NRXN3: variants seen among roughly 807,000 people sequenced by gnomAD.
NRXN3 encodes the protein neurexin 3.
A neutral mutation model predicts 137.6 loss-of-function variants in NRXN3; 32 were observed. The ratio of observed to expected loss-of-function variants is 0.23; its 90% CI spans 0.18 to 0.31. NRXN3 has a LOEUF of 0.31. NRXN3 is among the 10% of genes least tolerant of loss of function. The pLI is 1.00. For synonymous variants in NRXN3, 798 were observed against 784.5 expected (o/e 1.02, Z -0.29); for missense variants, 1,574 against 2,062.5 (o/e 0.76, Z 4.59).
intron 15 of NRXN3, among the ~76,000 whole-genome samples, chr14:79,053,657 G>A (rs1234815044): frequency 3.3e-5 from 5 of 151,888 alleles, no homozygotes; most frequent in Non-Finnish European, 7.4e-5. Context: ...GTATTGTGTT[G>A]GGATAGAGCA....
intron 15 of NRXN3, among the ~76,000 whole-genome samples, chr14:79,442,197 G>A (rs2153571847): frequency 6.6e-6 from 1 of 152,282 alleles, no homozygotes; most frequent in African/African-American, 2.4e-5. Context: ...GAGTACTTAT[G>A]ATGATATAAG....
In NRXN3 at chr14:78,519,406, T is replaced by G. The variant is rs1467240963; in HGVS notation, c.758-125714T>G. On this transcript the variant is annotated intron_variant, in intron 4 of 20. Coordinates refer to ENST00000335750, the MANE Select transcript of NRXN3 (RefSeq NM_001330195.2). Reference sequence around the variant, plus strand: ...GAGAAAAATGCTCATTTTATTCCATTCCATGGATACTTACATTCTCTGCGT... The same window carrying G: ...GAGAAAAATGCTCATTTTATTCCATGCCATGGATACTTACATTCTCTGCGT... Among the ~76,000 whole-genome samples the G allele has an allele frequency of 2.0e-5, 3 of 152,172 alleles. No individual in the cohort carries two copies. The East Asian group carries it at 5.8e-4, about 29-fold the overall frequency.
intron 10 of NRXN3, among the ~76,000 whole-genome samples, chr14:78,915,471 AT>A (rs2099252952): frequency 1.3e-5 from 2 of 151,792 alleles, no homozygotes; most frequent in African/African-American, 4.8e-5. Context: ...AGTACCATTT[AT>A]TCAGTGTTCA....
intron 19 of NRXN3, among the ~76,000 whole-genome samples, chr14:79,795,648 A>T (rs2099158846): frequency 6.6e-6 from 1 of 152,228 alleles, no homozygotes; most frequent in African/African-American, 2.4e-5. Flanking sequence ...AACTTGCTTT[A>T]ACTTCTGCTA....
intron 15 of NRXN3, chr14:79,281,853 G>T (rs1439571792): frequency 6.6e-6 from 1 of 152,270 alleles, no homozygotes; most frequent in Non-Finnish European, 1.5e-5. Context: ...TTGGAAAGTT[G>T]ATTCTTCCTG....
intron 19 of NRXN3, among the ~76,000 whole-genome samples, chr14:79,796,426 T>C (rs1301906993): frequency 6.6e-6 from 1 of 152,130 alleles, no homozygotes; most frequent in Non-Finnish European, 1.5e-5. Context: ...AACAACAGAT[T>C]AATCCCTTTT....
intron 4 of NRXN3, among the ~76,000 whole-genome samples, chr14:78,400,843 T>G (rs900476319): frequency 4.6e-5 from 7 of 152,200 alleles, no homozygotes; most frequent in Admixed American, 6.5e-5. Context: ...CCCATTCTCC[T>G]CTGCACCCTC....
At chr14:78,903,510 T>C (rs1417349749) in intron 10 of NRXN3, among the ~76,000 whole-genome samples, 1 of 152,008 alleles carries the variant, frequency 6.6e-6, no homozygotes, top group African/African-American at 2.4e-5. Flanking sequence ...ATGTGTTAAA[T>C]TGCATACTTC....
intron 6 of NRXN3, 120 bp from the exon 7 acceptor site, chr14:78,709,097 T>C (rs1344772202): frequency 6.2e-6 from 5 of 801,598 alleles, no homozygotes; most frequent in Non-Finnish European, 9.7e-6. Context: ...GTTTCTCATG[T>C]TGTTTTGGGC....
intron 20 of NRXN3, among the ~76,000 whole-genome samples, chr14:79,834,943 C>T (rs1027757300): frequency 3.9e-5 from 6 of 152,070 alleles, no homozygotes; most frequent in Non-Finnish European, 7.4e-5. Flanking sequence ...AACACATTCC[C>T]GACCCGCCAC....
chr14:78,988,318 C>T (rs1271058524), intron 15 of NRXN3, 177 bp downstream of exon 15: 4 of 755,166 alleles, frequency 5.3e-6, no homozygotes, highest in Admixed American at 4.3e-5. Flanking sequence ...AGAGATGTGT[C>T]TTGCTTAACA....
At chr14:78,683,106 A>G (rs758639566) in intron 6 of NRXN3, among the ~76,000 whole-genome samples, 1 of 152,170 alleles carries the variant, frequency 6.6e-6, no homozygotes, top group Non-Finnish European at 1.5e-5. Context: ...AAGACTTAAT[A>G]CCAAAAAAAG....
At chr14:79,402,386 C>T (rs775777764) in intron 15 of NRXN3, among the ~76,000 whole-genome samples, 7 of 152,220 alleles carry the variant, frequency 4.6e-5, no homozygotes, top group Non-Finnish European at 8.8e-5. Context: ...ATCTTTCTAA[C>T]TCCTGAGAGG....
chr14:78,534,227 A>G (rs2096507401), intron 4 of NRXN3, among the ~76,000 whole-genome samples: 1 of 152,220 alleles, frequency 6.6e-6, no homozygotes, highest in Non-Finnish European at 1.5e-5. Context: ...CTTAAATAAC[A>G]TGAATCTACT....
intron 4 of NRXN3, among the ~76,000 whole-genome samples, chr14:78,333,953 G>A (rs2153573491): frequency 6.6e-6 from 1 of 152,276 alleles, no homozygotes; most frequent in Middle Eastern, 3.4e-3. Flanking sequence ...CGGCGTGAGA[G>A]TGGTTCTATT....
chr14:78,267,513 G>A (rs1263244946), intron 2 of NRXN3, among the ~76,000 whole-genome samples: 1 of 152,090 alleles, frequency 6.6e-6, no homozygotes, highest in Non-Finnish European at 1.5e-5. Context: ...GCAACAAAGT[G>A]AGACCCCTCT....
At chr14:78,194,198 A>G (rs547216753) in intron 1 of NRXN3, among the ~76,000 whole-genome samples, 2 of 152,342 alleles carry the variant, frequency 1.3e-5, no homozygotes, top group African/African-American at 4.8e-5. Flanking sequence ...ATCCCATTGC[A>G]GCCTTGCTTT....
At chr14:79,745,687 T>G (rs1176488248) in intron 19 of NRXN3, among the ~76,000 whole-genome samples, 1 of 152,048 alleles carries the variant, frequency 6.6e-6, no homozygotes, top group Non-Finnish European at 1.5e-5. Flanking sequence ...TTAAAACAAC[T>G]GAAATGTATT....
chr14:79,454,263 TAG>T (rs1567171281), intron 15 of NRXN3, among the ~76,000 whole-genome samples: 1 of 152,148 alleles, frequency 6.6e-6, no homozygotes, highest in Non-Finnish European at 1.5e-5. Context: ...TTTGTATTTT[TAG>T]TAGAGACGGG....
Sources: gnomAD v4.1 joint callset for allele counts (sites outside exome capture counted in the v4.1 genomes callset) on GRCh38, gnomAD v4.1.1 for gene constraint, MANE v1.5 for transcripts, NCBI Gene and HGNC (gene_info 2026-07-23, HGNC 2026-07-21) for gene names.